Variants in TCHH observed in about 807,000 individuals in gnomAD.
TCHH encodes the protein trichohyalin.
Under a neutral mutation model 6.3 loss-of-function variants are expected in TCHH, and 6 were observed. That is an observed-to-expected ratio of 0.95 (90% CI 0.52 to 1.88). The LOEUF is 1.88. Ranked by LOEUF, TCHH falls within the 40% of genes most tolerant of loss-of-function variation. TCHH has a pLI of 0.01. For synonymous variants in TCHH, 1,087 were observed against 963.6 expected (o/e 1.13, Z -2.37); for missense variants, 2,920 against 2,449.1 (o/e 1.19, Z -4.06).
chr1:152,108,172 T>C lies in TCHH; in HGVS notation c.5045A>G (p.Gln1682Arg). The C allele has an allele frequency of 6.2e-7, 1 of 1,613,838 alleles. No homozygotes were observed. ...EEQLLQEGEE[Q>R]QLRRQERDRK... ...GTCACGCTCTTGGCGGCGCAGCTGC[T>C]GTTCCTCCCCTTCCTGGAGCAGCTG... Residue 1682 changes from glutamine to arginine, a missense_variant, in exon 3 of 3, where the codon CAG (glutamine) becomes CGG (arginine). Transcript: ENST00000614923.
In TCHH at chr1:152,108,345, G is replaced by A; in HGVS notation, c.4872C>T (p.Asp1624=). The change falls in exon 3 of 3, where the codon GAC becomes GAT. Residue 1624 remains aspartate (D), a synonymous_variant. Transcript: ENST00000614923. ...RQERDRKFRE[D]EQLLQEREEQ... ...CTTCCCTTTCCTGGAGCAGCTGTTC[G>A]TCTTCGCGGAATTTTCTGTCGCGCT... is the stretch of plus-strand genomic sequence containing the variant. 6.4e-7 allele frequency: 1 copy of A among 1,565,210 alleles called. No individual in the cohort carries two copies. Among genetic ancestry groups the A allele is most frequent in the Non-Finnish European group, 8.6e-7 (1 of 1,157,324 alleles).
intron 1 of TCHH, among the ~76,000 whole-genome samples, chr1:152,114,396 T>C (rs1354400327): frequency 6.6e-6 from 1 of 152,194 alleles, no homozygotes; most frequent in Non-Finnish European, 1.5e-5. Flanking sequence ...TTCTTCCAGC[T>C]CTCCACCGTA....
In TCHH at chr1:152,111,515, T is replaced by G; in HGVS notation, c.1702A>C (p.Lys568Gln). 1 of 1,592,374 alleles carries G rather than the reference T, an allele frequency of 6.3e-7. No homozygotes were observed. Among genetic ancestry groups the G allele is most frequent in the South Asian group, 1.1e-5 (1 of 90,144 alleles). Residue 568 changes from lysine to glutamine, a missense_variant, in exon 3 of 3, where the codon AAG (lysine) becomes CAG (glutamine). Transcript: ENST00000614923. ...LEQERREQRL[K>Q]REQEERRDQL... ...TCGCGCCTCTCCTCCTGCTCGCGCTTCAGCCGCTGCTCTCGCCTCTCCTGC... is the reference window on the plus strand; with the variant it reads ...TCGCGCCTCTCCTCCTGCTCGCGCTGCAGCCGCTGCTCTCGCCTCTCCTGC...
Position 152,108,512 on chromosome 1 carries a change from C to G in TCHH, c.4705G>C (p.Glu1569Gln). 1.2e-6 allele frequency: 2 copies of G among 1,610,788 alleles called. No homozygotes were observed. The highest frequency in any genetic ancestry group is 1.7e-6 in the Non-Finnish European group (2 of 1,179,164). The change falls in exon 3 of 3, where the codon GAA (glutamate) becomes CAA (glutamine). Residue 1569 changes from glutamate (E) to glutamine (Q), a missense_variant. Transcript: ENST00000614923. Reference protein sequence around the residue: ...EEEQLRQEREEQQLSRQERDR... With the variant: ...EEEQLRQEREQQQLSRQERDR... ...CGCTCTTGGCGGCTCAGCTGCTGTT[C>G]CTCCCTCTCCTGGCGCAGCTGTTCC...
chr1:152,114,761 C>T (rs1457718641), intron 1 of TCHH, among the ~76,000 whole-genome samples: 2 of 152,170 alleles, frequency 1.3e-5, no homozygotes, highest in Non-Finnish European at 2.9e-5. Flanking sequence ...CTGTATATTA[C>T]CTGCCTCAAC....
Position 152,107,770 on chromosome 1 carries a change from T to C in TCHH, c.5447A>G (p.Gln1816Arg). ...TTCCCAGCGATACTTTCCGTCACGC[T>C]GTTGGGGGCGCAGCTGCTGTTCTTC... ...EREEQQLRPQ[Q>R]RDGKYRWEEE... The change falls in exon 3 of 3, where the codon CAG (glutamine) becomes CGG (arginine). Residue 1816 changes from glutamine to arginine, a missense_variant. Physicochemically the swap from Gln to Arg is conservative, Grantham distance 43. Coordinates refer to ENST00000614923, the MANE Select transcript of TCHH (RefSeq NM_007113.4). 1 of 1,614,272 alleles carries C rather than the reference T, an allele frequency of 6.2e-7. No individual in the cohort carries two copies. The highest frequency in any genetic ancestry group is 8.5e-7 in the Non-Finnish European group (1 of 1,180,050).
At position 152,107,189 on chromosome 1, in the gene TCHH, C is replaced by G. The variant is rs1658128435; in HGVS notation, c.*196G>C. The G allele has an allele frequency of 2.0e-6, 1 of 501,190 alleles. No homozygotes were observed. Among genetic ancestry groups the G allele is most frequent in the Middle Eastern group, 5.3e-4 (1 of 1,904 alleles). 31.0% of individuals were successfully genotyped at this position (501,190 alleles called of 1,614,324 possible). A position where few individuals can be genotyped will look rare whatever the true frequency, so the allele number is the denominator to read the frequency against. ...AAGAAAGACATCTTGCAGTAAAGAA[C>G]TACTTGAGGAAGAATAAAAAGCAGA... On this transcript the variant is annotated 3_prime_UTR_variant, in exon 3 of 3. Coordinates refer to ENST00000614923, the MANE Select transcript of TCHH (RefSeq NM_007113.4).
Position 152,112,725 on chromosome 1 carries a change from G to T in TCHH, c.492C>A (p.Arg164=). 1 of 1,613,988 alleles carries T rather than the reference G, an allele frequency of 6.2e-7. No individual in the cohort carries two copies. Among genetic ancestry groups the T allele is most frequent in the Non-Finnish European group, 8.5e-7 (1 of 1,180,014 alleles). ...GCTCCTCGTCGCGGCGCTGCCTGTC[G>T]CGCTGTTCAAGTCGCTCTTGTTTCT... ...QSEKQERLEQ[R]DRQRRDEELW... is the part of the protein sequence containing the mutation. The change falls in exon 3 of 3, where the codon CGC becomes CGA. Residue 164 remains arginine (R), a synonymous_variant. Coordinates refer to ENST00000614923, the MANE Select transcript of TCHH (RefSeq NM_007113.4).
In TCHH at chr1:152,108,110, G is replaced by C; in HGVS notation, c.5107C>G (p.Gln1703Glu). The change falls in exon 3 of 3, where the codon CAG (glutamine) becomes GAG (glutamate). Residue 1703 changes from glutamine (Q) to glutamate (E), a missense_variant. Physicochemically the swap from Gln to Glu is conservative, Grantham distance 29. Coordinates refer to ENST00000614923, the MANE Select transcript of TCHH (RefSeq NM_007113.4). ...FREEEQQLRR[Q>E]ERERKFLQEE... The stretch of plus-strand genomic sequence containing the variant: ...TGGAGGAATTTTCTCTCTCGTTCCT[G>C]ACGGCGGAGCTGCTGTTCCTCTTCG... The C allele has an allele frequency of 6.2e-7, 1 of 1,607,884 alleles. No homozygotes were observed. The highest frequency in any genetic ancestry group is 1.4e-5 in the African/African-American group (1 of 72,492).
At chr1:152,113,405 A>C (rs1404290662) in intron 2 of TCHH, among the ~76,000 whole-genome samples, 1 of 152,238 alleles carries the variant, frequency 6.6e-6, no homozygotes, top group Admixed American at 6.5e-5. Context: ...AGCATCGTGA[A>C]CTTGTGTGTA....
In TCHH at chr1:152,111,710, G is replaced by T. The variant is rs760255481; in HGVS notation, c.1507C>A (p.Arg503Ser). ...TGCTCCCGCCTTAGTTGCTGCTCGC[G>T]CCTCTCCTGCTGCTCGCGCCTCTCC... ...EEERREQQER[R>S]EQQLRREQEE... The change falls in exon 3 of 3, where the codon CGC becomes AGC. Residue 503 changes from arginine to serine, a missense_variant. Transcript: ENST00000614923. 3.4e-5 allele frequency: 54 copies of T among 1,568,930 alleles called. No homozygotes were observed. Among genetic ancestry groups the T allele is most frequent in the Non-Finnish European group, 4.2e-5 (48 of 1,148,740 alleles).
In TCHH at chr1:152,109,468, A is replaced by C; in HGVS notation, c.3749T>G (p.Phe1250Cys). 2 of 1,614,238 alleles carry C rather than the reference A, an allele frequency of 1.2e-6. No homozygotes were observed. Among genetic ancestry groups the C allele is most frequent in the Non-Finnish European group, 1.7e-6 (2 of 1,180,040 alleles). ...VYCKGRENEQ[F>C]RQLEDSQLRD... Reference sequence around the variant, plus strand: ...CAGCTGGGAATCTTCCAACTGCCGGAACTGTTCATTCTCTCTGCCTTTGCA... The same window carrying C: ...CAGCTGGGAATCTTCCAACTGCCGGCACTGTTCATTCTCTCTGCCTTTGCA... Residue 1250 changes from phenylalanine to cysteine, a missense_variant, in exon 3 of 3, where the codon TTC becomes TGC. Phe to Cys is a radical substitution (Grantham distance 205). Transcript: ENST00000614923.
In TCHH at chr1:152,108,304, C is replaced by T. The variant is rs1304661323; in HGVS notation, c.4913G>A (p.Arg1638His). The T allele has an allele frequency of 1.2e-6, 2 of 1,612,688 alleles. No homozygotes were observed. The highest frequency in any genetic ancestry group is 2.2e-5 in the East Asian group (1 of 44,736). The change falls in exon 3 of 3, where the codon CGC becomes CAC. Residue 1638 changes from arginine to histidine, a missense_variant. Physicochemically the swap from Arg to His is conservative, Grantham distance 29 (BLOSUM62 0). Coordinates refer to ENST00000614923, the MANE Select transcript of TCHH (RefSeq NM_007113.4). ...GAGGAATTTTCTGTCACGCTCTTGG[C>T]GGTGCAGCTGCTGTTCTTCCCTTTC... is the stretch of plus-strand genomic sequence containing the variant. Reference protein sequence around the residue: ...LQEREEQQLHRQERDRKFLEE... With the variant: ...LQEREEQQLHHQERDRKFLEE...
In TCHH at chr1:152,109,639, T is replaced by C. The variant is rs1459799094; in HGVS notation, c.3578A>G (p.Gln1193Arg). 2 of 1,610,950 alleles carry C rather than the reference T, an allele frequency of 1.2e-6. No homozygotes were observed. Among genetic ancestry groups the C allele is most frequent in the African/African-American group, 1.3e-5 (1 of 74,816 alleles). The change falls in exon 3 of 3, where the codon CAG becomes CGG. Residue 1193 changes from glutamine to arginine, a missense_variant. Gln to Arg is a conservative substitution (Grantham distance 43). Coordinates refer to ENST00000614923, the MANE Select transcript of TCHH (RefSeq NM_007113.4). Reference protein sequence around the residue: ...LLREEQEKRRQERERQYREEE... With the variant: ...LLREEQEKRRRERERQYREEE... ...CTCCCGATACTGCCTCTCCCGCTCC[T>C]GGCGCCTTTTCTCCTGTTCCTCTCT... is the stretch of plus-strand genomic sequence containing the variant.
At position 152,107,368 on chromosome 1, in the gene TCHH, G is replaced by T; in HGVS notation, c.*17C>A. The T allele has an allele frequency of 6.6e-7, 1 of 1,525,818 alleles. No individual in the cohort carries two copies. Among genetic ancestry groups the T allele is most frequent in the Non-Finnish European group, 8.8e-7 (1 of 1,137,608 alleles). 94.5% of individuals were successfully genotyped at this position (1,525,818 alleles called of 1,614,324 possible). On this transcript the variant is annotated 3_prime_UTR_variant, in exon 3 of 3. Coordinates refer to ENST00000614923, the MANE Select transcript of TCHH (RefSeq NM_007113.4). ...TGCTCGAAGCTTTGGCAGGTGTCAA[G>T]ATATTGGCAACATCACTTAAGGGCG...
At position 152,109,593 on chromosome 1, in the gene TCHH, C is replaced by T. The variant is rs773691785; in HGVS notation, c.3624G>A (p.Gln1208=). The change falls in exon 3 of 3, where the codon CAG becomes CAA. Residue 1208 remains glutamine, a synonymous_variant. Coordinates refer to ENST00000614923, the MANE Select transcript of TCHH (RefSeq NM_007113.4). ...QYREEEELQR[Q]KRKQRYRDED... is the part of the protein sequence containing the mutation. ...CATCCCGGTATCGCTGCTTCCTTTT[C>T]TGGCGCTGAAGCTCTTCCTCCTCCC... 1 of 1,614,226 alleles carries T rather than the reference C, an allele frequency of 6.2e-7. No homozygotes were observed. The highest frequency in any genetic ancestry group is 8.5e-7 in the Non-Finnish European group (1 of 1,180,040).
rs781308741 is a variant in TCHH, at chr1:152,110,706, C to T, written c.2511G>A (p.Glu837=). The T allele has an allele frequency of 1.4e-5, 22 of 1,612,194 alleles. No homozygotes were observed. The highest frequency in any genetic ancestry group is 4.4e-5 in the South Asian group (4 of 91,080). ...CACGCTCCCGCCGCTGGAGCTGCTC[C>T]TCTTCCTCCAGGAACTGCAGCTCTT... The part of the protein sequence containing the change: ...REKELQFLEE[E]EQLQRRERAQ... The change falls in exon 3 of 3, where the codon GAG becomes GAA. Residue 837 remains glutamate (E), a synonymous_variant. Coordinates refer to ENST00000614923, the MANE Select transcript of TCHH (RefSeq NM_007113.4).
Position 152,107,691 on chromosome 1 carries a change from G to C in TCHH, c.5526C>G (p.Asp1842Glu). The C allele has an allele frequency of 6.2e-7, 1 of 1,614,200 alleles. No individual in the cohort carries two copies. Among genetic ancestry groups the C allele is most frequent in the East Asian group, 2.2e-5 (1 of 44,888 alleles). ...ACTGCTCCTCCGCCCGGTACTGCCG[G>C]TCTCGCTCCTGCCGCAGCCTCTGCT... Reference protein sequence around the residue: ...EQEQRLRQERDRQYRAEEQFA... With the variant: ...EQEQRLRQERERQYRAEEQFA... The change falls in exon 3 of 3, where the codon GAC becomes GAG. Residue 1842 changes from aspartate to glutamate, a missense_variant. Coordinates refer to ENST00000614923, the MANE Select transcript of TCHH (RefSeq NM_007113.4).
Position 152,112,242 on chromosome 1 carries a change from C to T in TCHH, c.975G>A (p.Gln325=). 5 of 1,604,900 alleles carry T rather than the reference C, an allele frequency of 3.1e-6. No individual in the cohort carries two copies. The highest frequency in any genetic ancestry group is 4.2e-6 in the Non-Finnish European group (5 of 1,178,636). The change falls in exon 3 of 3, where the codon CAG becomes CAA. Residue 325 remains glutamine (Q), a synonymous_variant. Transcript: ENST00000614923. The part of the protein sequence containing the change: ...REQQEERREQ[Q]ERREQQEERR... ...TCTCCTCCTGCTGCTCGCGCCTCTC[C>T]TGCTGCTCGCGCCTCTCCTCCTGCT...
Sources: allele counts gnomAD v4.1 joint callset (sites outside exome capture counted in the v4.1 genomes callset), GRCh38; gene constraint gnomAD v4.1.1; transcripts MANE v1.5; gene names NCBI Gene and HGNC (gene_info 2026-07-23, HGNC 2026-07-21).